The following ECPAS variants were observed in gnomAD, a reference collection of about 807,000 sequenced individuals.
ECPAS encodes Ecm29 proteasome adaptor and scaffold, also known as proteasome adapter and scaffold protein ECM29.
In ECPAS, 70 loss-of-function variants were observed where a neutral mutation model predicts 255.1. The ratio of observed to expected loss-of-function variants is 0.27; its 90% confidence interval spans 0.23 to 0.33. ECPAS has a LOEUF of 0.33. ECPAS is among the 10% of genes least tolerant of loss of function. The pLI is 1.00. For missense variants in ECPAS, 1,817 were observed against 2,206.4 expected, an observed-to-expected ratio of 0.82 and a Z score of 3.54; for synonymous variants, 784 against 775.0, an observed-to-expected ratio of 1.01 and a Z score of -0.19.
intron 27 of ECPAS, 94 bp from the exon 28 acceptor site, chr9:111,392,976 C>A (rs2098162476): frequency 1.5e-6 from 1 of 664,798 alleles, no homozygotes; most frequent in Non-Finnish European, 2.6e-6. Context: ...TGACACTGAC[C>A]CAAAATGATA....
chr9:111,382,034 C>T (rs2131563503), intron 35 of ECPAS, among the ~76,000 whole-genome samples: 1 of 151,876 alleles, frequency 6.6e-6, no homozygotes, highest in East Asian at 2.0e-4. Context: ...CACACACACA[C>T]ACACACAAAG....
chr9:111,404,795 C>T (rs1403036384), intron 24 of ECPAS, among the ~76,000 whole-genome samples: 3 of 115,292 alleles, frequency 2.6e-5, no homozygotes, highest in Non-Finnish European at 3.7e-5. Context: ...AGAAAGCAAT[C>T]CTGCTTATAA....
At chr9:111,449,322 G>C (rs531802837) in intron 3 of ECPAS, among the ~76,000 whole-genome samples, 2 of 152,108 alleles carry the variant, frequency 1.3e-5, no homozygotes, top group Admixed American at 1.3e-4. Flanking sequence ...TTAAAACTTT[G>C]GTAGTAATAA....
intron 10 of ECPAS, 68 bp downstream of exon 10, chr9:111,427,974 T>C: frequency 1.4e-6 from 2 of 1,459,826 alleles, no homozygotes; most frequent in Non-Finnish European, 1.9e-6. Flanking sequence ...ATTAACACAG[T>C]TCTTTCTCTA....
Position 111,389,670 on chromosome 9 carries a change from A to G in ECPAS, c.3333T>C (p.Ala1111=), listed in dbSNP as rs772731951. ...VIATRAGEQL[A]PFLPQLVPRL... is the part of the protein sequence containing the mutation. ...GAGGAACTAGCTGAGGCAGAAAAGG[A>G]GCCAGCTGCTCTCCAGCTCTGGTAG... Residue 1111 remains alanine (A), a synonymous_variant, in exon 31 of 50, where the codon GCT becomes GCC. Transcript: ENST00000684092. 1.2e-6 allele frequency: 2 copies of G among 1,613,824 alleles called. No homozygotes were observed. Among genetic ancestry groups the G allele is most frequent in the African/African-American group, 2.7e-5 (2 of 74,942 alleles).
At chr9:111,439,823 G>A (rs759894355) in intron 6 of ECPAS, among the ~76,000 whole-genome samples, 36 of 151,836 alleles carry the variant, frequency 2.4e-4, no homozygotes, top group Non-Finnish European at 4.7e-4. Context: ...AAGTGGAGCC[G>A]CTGGGAAAGA....
chr9:111,464,119 G>T (rs1313525933), intron 2 of ECPAS, among the ~76,000 whole-genome samples: 1 of 152,088 alleles, frequency 6.6e-6, no homozygotes, highest in Non-Finnish European at 1.5e-5. Flanking sequence ...AACACTTTAT[G>T]TAACACCGTC....
At chr9:111,367,609 A>T (rs1404762972) in intron 46 of ECPAS, among the ~76,000 whole-genome samples, 1 of 152,138 alleles carries the variant, frequency 6.6e-6, no homozygotes, top group Non-Finnish European at 1.5e-5. Context: ...ACCACCTGCA[A>T]ATTTGTATCT....
At chr9:111,375,953 T>G (rs2098132957) in intron 37 of ECPAS, among the ~76,000 whole-genome samples, 1 of 152,206 alleles carries the variant, frequency 6.6e-6, no homozygotes, top group African/African-American at 2.4e-5. Flanking sequence ...TTACAGGGAA[T>G]GCACAACAGA....
chr9:111,410,261 C>T (rs374644719), intron 22 of ECPAS, 48 bp from the exon 23 acceptor site: 49 of 1,495,590 alleles, frequency 3.3e-5, no homozygotes, highest in Middle Eastern at 1.8e-4. Context: ...ATTATCCTTA[C>T]GACCCAAAGC....
At chr9:111,430,114 T>C (rs1008450684) in intron 9 of ECPAS, among the ~76,000 whole-genome samples, 27 of 152,216 alleles carry the variant, frequency 1.8e-4, no homozygotes, top group African/African-American at 6.3e-4. Flanking sequence ...TTAAAAAATA[T>C]CAAAGGAATA....
At chr9:111,468,625 G>A (rs1041378445) in intron 2 of ECPAS, among the ~76,000 whole-genome samples, 9 of 148,796 alleles carry the variant, frequency 6.0e-5, no homozygotes, top group African/African-American at 2.3e-4. Context: ...CAAAGAGAGT[G>A]AGTGAGAGAG....
intron 3 of ECPAS, among the ~76,000 whole-genome samples, chr9:111,449,461 A>G (rs2098257407): frequency 1.3e-5 from 2 of 152,118 alleles, no homozygotes; most frequent in African/African-American, 2.4e-5. Flanking sequence ...TGTATTCCAT[A>G]ACATCATGTT....
At chr9:111,412,247 G>T in intron 20 of ECPAS, 99 bp from the exon 21 acceptor site, 1 of 1,019,506 alleles carries the variant, frequency 9.8e-7, no homozygotes, top group African/African-American at 1.7e-5. Flanking sequence ...ATCTGTTGAT[G>T]GATATTGAGA....
chr9:111,383,608 T>C (rs1354991934), intron 34 of ECPAS, among the ~76,000 whole-genome samples: 4 of 151,908 alleles, frequency 2.6e-5, no homozygotes, highest in South Asian at 2.1e-4. Flanking sequence ...AACCAGGAAA[T>C]ATGTAAGAAA....
intron 25 of ECPAS, among the ~76,000 whole-genome samples, chr9:111,395,452 A>T (rs995349599): frequency 2.6e-5 from 4 of 152,216 alleles, no homozygotes; most frequent in African/African-American, 9.7e-5. Flanking sequence ...TCAGAGATTC[A>T]TCATCCCTCC....
Position 111,472,980 on chromosome 9 carries a change from A to G in ECPAS, c.-62T>C, listed in dbSNP as rs2098291018. The G allele has an allele frequency of 1.7e-6, 2 of 1,171,644 alleles. No individual in the cohort carries two copies. 72.6% of individuals were successfully genotyped at this position (1,171,644 alleles called of 1,614,324 possible). A position where few individuals can be genotyped will look rare whatever the true frequency, so the allele number is the denominator to read the frequency against. On this transcript the variant is annotated 5_prime_UTR_variant, in exon 2 of 50. It removes an upstream start codon present in the reference 5' UTR. Coordinates refer to ENST00000684092, the MANE Select transcript of ECPAS (RefSeq NM_001364929.1). ...CAATGGTACGTTCATCCACTCGTAC[A>G]TATGCAATTGTATAAAGAATCTATT... is the stretch of plus-strand genomic sequence containing the variant.
intron 2 of ECPAS, among the ~76,000 whole-genome samples, chr9:111,464,134 A>G (rs1027105969): frequency 6.6e-6 from 1 of 152,040 alleles, no homozygotes; most frequent in African/African-American, 2.4e-5. Context: ...ACCGTCCTAG[A>G]AAAAAACTCT....
chr9:111,448,117 A>G (rs1381836975), intron 3 of ECPAS, among the ~76,000 whole-genome samples: 1 of 152,224 alleles, frequency 6.6e-6, no homozygotes, highest in Admixed American at 6.5e-5. Context: ...TATTACATGC[A>G]TGTATCAAAA....
Sources: gnomAD v4.1 joint callset for allele counts (sites outside exome capture counted in the v4.1 genomes callset) on GRCh38, gnomAD v4.1.1 for gene constraint, MANE v1.5 for transcripts, NCBI Gene and HGNC (gene_info 2026-07-23, HGNC 2026-07-21) for gene names.